Variants in VANGL1 observed in about 807,000 individuals in gnomAD.
The protein encoded by VANGL1 is VANGL planar cell polarity protein 1.
Under a neutral mutation model 48.4 loss-of-function variants are expected in VANGL1, and 18 were observed. That is an observed-to-expected ratio of 0.37 (90% CI 0.26 to 0.55). The LOEUF is 0.55. VANGL1 is among the 20% of genes least tolerant of loss of function. The pLI is 0.81. For missense variants in VANGL1, 667 were observed against 675.8 expected, an observed-to-expected ratio of 0.99 and a Z score of 0.14; for synonymous variants, 257 against 261.8, an observed-to-expected ratio of 0.98 and a Z score of 0.18.
intron 4 of VANGL1, among the ~76,000 whole-genome samples, chr1:115,664,539 G>A (rs746734974): frequency 3.3e-5 from 5 of 152,208 alleles, no homozygotes; most frequent in Non-Finnish European, 7.3e-5. Flanking sequence ...TCCCAAAAAT[G>A]ATGGAGAAAG....
At chr1:115,670,997 T>C (rs1302251503) in intron 4 of VANGL1, 1 of 152,274 alleles carries the variant, frequency 6.6e-6, no homozygotes, top group African/African-American at 2.4e-5. Context: ...GTGGCTTTAA[T>C]GAGAGTGTAA....
intron 4 of VANGL1, among the ~76,000 whole-genome samples, chr1:115,667,521 G>A (rs1652837043): frequency 6.6e-6 from 1 of 152,176 alleles, no homozygotes; most frequent in African/African-American, 2.4e-5. Flanking sequence ...CAGAGCAGGT[G>A]GGGTAGAGGT....
chr1:115,677,345 C>A (rs937666000), intron 4 of VANGL1, among the ~76,000 whole-genome samples: 1 of 152,204 alleles, frequency 6.6e-6, no homozygotes. Context: ...TGATTAGACA[C>A]AAAAGACCAC....
At chr1:115,675,524 G>T (rs1256396471) in intron 4 of VANGL1, among the ~76,000 whole-genome samples, 2 of 152,216 alleles carry the variant, frequency 1.3e-5, no homozygotes, top group East Asian at 1.9e-4. Flanking sequence ...AATTGGCCAG[G>T]TTTGGTGACT....
At chr1:115,648,903 A>G (rs1469444868) in intron 1 of VANGL1, among the ~76,000 whole-genome samples, 5 of 152,160 alleles carry the variant, frequency 3.3e-5, no homozygotes, top group African/African-American at 1.2e-4. Flanking sequence ...GTGAAGGGTT[A>G]ATTATGAATC....
chr1:115,659,896 T>A, intron 3 of VANGL1, 123 bp downstream of exon 3: 2 of 1,345,408 alleles, frequency 1.5e-6, no homozygotes, highest in Non-Finnish European at 2.1e-6. Context: ...TTAGTTTATC[T>A]ATGTCCCATG....
At chr1:115,678,438 G>A (rs1653249173) in intron 4 of VANGL1, among the ~76,000 whole-genome samples, 1 of 152,204 alleles carries the variant, frequency 6.6e-6, no homozygotes, top group Admixed American at 6.5e-5. Flanking sequence ...ACTGATAGCA[G>A]TAGTGAGGGA....
rs1214278464 is a variant in VANGL1, at chr1:115,659,751, C to T, written c.182C>T (p.Ser61Phe). ...PTGEPLLGNDSTRTEEVQDDN... is the reference protein window; with the variant it reads ...PTGEPLLGNDFTRTEEVQDDN... ...GGAGAGCCCCTGTTGGGAAATGATT[C>T]TACTCGGACAGAGGAAGTTCAGGTA... Residue 61 changes from serine to phenylalanine, a missense_variant, in exon 3 of 8, where the codon TCT becomes TTT. By Grantham distance (155) the Ser-to-Phe change is radical. Coordinates refer to ENST00000355485, the MANE Select transcript of VANGL1 (RefSeq NM_138959.3). 1 of 1,614,164 alleles carries T rather than the reference C, an allele frequency of 6.2e-7. No homozygotes were observed. The highest frequency in any genetic ancestry group is 1.1e-5 in the South Asian group (1 of 91,078).
chr1:115,690,247 A>G (rs1653781724), intron 7 of VANGL1, among the ~76,000 whole-genome samples: 1 of 152,256 alleles, frequency 6.6e-6, no homozygotes, highest in Non-Finnish European at 1.5e-5. Flanking sequence ...CACGAGAGTC[A>G]GTGATTACAG....
intron 2 of VANGL1, among the ~76,000 whole-genome samples, chr1:115,656,995 A>C (rs774292729): frequency 6.6e-6 from 1 of 152,200 alleles, no homozygotes; most frequent in Non-Finnish European, 1.5e-5. Context: ...TTAAGATAGA[A>C]GAGGGGCATT....
chr1:115,642,346 C>A (rs1327556311), intron 1 of VANGL1, among the ~76,000 whole-genome samples: 2 of 152,050 alleles, frequency 1.3e-5, no homozygotes, highest in Non-Finnish European at 2.9e-5. Flanking sequence ...GCCGTGCGAT[C>A]TCCGCCGCAC....
chr1:115,656,652 G>A (rs140243988), intron 2 of VANGL1, among the ~76,000 whole-genome samples: 3 of 152,214 alleles, frequency 2.0e-5, no homozygotes, highest in African/African-American at 4.8e-5. Context: ...GTTTCCCTCC[G>A]ATGTTATCAG....
At position 115,691,557 on chromosome 1, in the gene VANGL1, C is replaced by T. The variant is rs774724883; in HGVS notation, c.*178C>T. 2 of 693,632 alleles carry T rather than the reference C, an allele frequency of 2.9e-6. No homozygotes were observed. Among genetic ancestry groups the T allele is most frequent in the African/African-American group, 1.8e-5 (1 of 55,338 alleles). 43.0% of individuals were successfully genotyped at this position (693,632 alleles called of 1,614,324 possible). A position where few individuals can be genotyped will look rare whatever the true frequency, so the allele number is the denominator to read the frequency against. On this transcript the variant is annotated 3_prime_UTR_variant, in exon 8 of 8. Coordinates refer to ENST00000355485, the MANE Select transcript of VANGL1 (RefSeq NM_138959.3). The stretch of plus-strand genomic sequence containing the variant: ...TATTTGGAAGGAAGCAGGGGCTGTC[C>T]ACCCTGAAAAAGAGTGACTGATGAC...
intron 2 of VANGL1, among the ~76,000 whole-genome samples, chr1:115,658,151 A>T (rs1019220799): frequency 2.6e-5 from 4 of 152,234 alleles, no homozygotes; most frequent in African/African-American, 9.6e-5. Context: ...AATTGTTGTC[A>T]CTGAAAGATT....
intron 5 of VANGL1, among the ~76,000 whole-genome samples, chr1:115,683,045 G>T (rs540122916): frequency 6.6e-6 from 1 of 152,102 alleles, no homozygotes. Context: ...GGGTATGTTG[G>T]GTGAGGGCAA....
intron 4 of VANGL1, among the ~76,000 whole-genome samples, chr1:115,675,709 C>G (rs1017978272): frequency 6.6e-6 from 1 of 152,000 alleles, no homozygotes; most frequent in Non-Finnish European, 1.5e-5. Flanking sequence ...GAGAATTGCT[C>G]GGACCTGGGA....
At chr1:115,679,524 G>T (rs184605091) in intron 4 of VANGL1, among the ~76,000 whole-genome samples, 5 of 152,302 alleles carry the variant, frequency 3.3e-5, no homozygotes, top group African/African-American at 1.2e-4. Flanking sequence ...GCGGTGGGCC[G>T]GGAGCCCTGC....
intron 4 of VANGL1, among the ~76,000 whole-genome samples, chr1:115,677,622 TCTGGGAGAGAGTATTTCTTTCC>T (rs1653216750): frequency 1.3e-5 from 2 of 152,202 alleles, no homozygotes; most frequent in African/African-American, 2.4e-5. Context: ...ATCTATGTGG[TCTGGGAGAGAGTATTTCTTTCC>T]CTGGGTTGTG....
intron 7 of VANGL1, among the ~76,000 whole-genome samples, chr1:115,687,938 G>A (rs867773061): frequency 8.9e-6 from 1 of 112,650 alleles, no homozygotes; most frequent in Non-Finnish European, 1.8e-5. Flanking sequence ...CATTCATTAG[G>A]TAGATAGATA....
Sources: allele counts gnomAD v4.1 joint callset (sites outside exome capture counted in the v4.1 genomes callset), GRCh38; gene constraint gnomAD v4.1.1; transcripts MANE v1.5; gene names NCBI Gene and HGNC (gene_info 2026-07-23, HGNC 2026-07-21).